TEX9: variants seen among roughly 807,000 people sequenced by gnomAD.
TEX9 encodes testis-expressed protein 9.
Under a neutral mutation model 59.6 loss-of-function variants are expected in TEX9, and 74 were observed. The observed-to-expected ratio is 1.24, with a 90% confidence interval of 1.03 to 1.51. TEX9 has a LOEUF of 1.51. Among genes scored for constraint, TEX9 ranks in the 40% most tolerant of loss-of-function variants. The pLI is 0.00. For missense variants in TEX9, 522 were observed against 447.8 expected (o/e 1.17, Z -1.49); for synonymous variants, 186 against 152.2 (o/e 1.22, Z -1.64).
intron 9 of TEX9, among the ~76,000 whole-genome samples, chr15:56,406,423 A>G (rs763309686): frequency 1.3e-5 from 2 of 152,186 alleles, no homozygotes; most frequent in South Asian, 2.1e-4. Flanking sequence ...TCCATGTACA[A>G]GTATTCTGTG....
chr15:56,295,787 T>G lies in TEX9; in HGVS notation c.-107+51509T>G, dbSNP rs1335322667. Among the ~76,000 whole-genome samples the G allele has an allele frequency of 2.6e-5, 4 of 152,178 alleles. No individual in the cohort carries two copies. The East Asian group carries it at 5.8e-4, about 22-fold the overall frequency. Reference sequence around the variant, plus strand: ...TTATCCCAGGCCATTTGACCGGATTTTTCCCTTAGTTAACTGTTCAGAATT... The same window carrying G: ...TTATCCCAGGCCATTTGACCGGATTGTTCCCTTAGTTAACTGTTCAGAATT... On this transcript the variant is annotated intron_variant, in intron 1 of 5. Coordinates refer to the TEX9 transcript ENST00000560827.
rs538827464 is a variant in TEX9 at position 56,259,305 on chromosome 15, T to G, written c.-107+15027T>G. On this transcript the variant is annotated intron_variant, in intron 1 of 5. Transcript: ENST00000560827. ...AGTTAAGTAGTTGCAACAAAGACTG[T>G]ATGACCTACAAAGCTGAAAATATTT... Among the ~76,000 whole-genome samples the G allele has an allele frequency of 2.6e-5, 4 of 152,216 alleles. No homozygotes were observed. In the South Asian group the frequency reaches 8.3e-4, roughly 32 times the overall value.
In TEX9 at chr15:56,291,743, T is replaced by A. The variant is rs534438410; in HGVS notation, c.-107+47465T>A. ...CTACCTTTGAAAGAGCAAAGATTCA[T>A]TCTGACTATGATTTTCTTGGGTATG... On this transcript the variant is annotated intron_variant, in intron 1 of 5. Transcript: ENST00000560827. Among the ~76,000 whole-genome samples the A allele has an allele frequency of 1.4e-4, 21 of 152,322 alleles. No homozygotes were observed. In the East Asian group the frequency reaches 4.1e-3, roughly 29 times the overall value.
intron 1 of TEX9, among the ~76,000 whole-genome samples, chr15:56,312,359 A>G (rs369910837): frequency 9.0e-5 from 13 of 143,708 alleles, no homozygotes; most frequent in Non-Finnish European, 1.8e-4. Flanking sequence ...AGCTTTCTAC[A>G]TATGGCTAGC....
rs193206844 is a variant in TEX9, at chr15:56,257,928, A to G, written c.-107+13650A>G. On this transcript the variant is annotated intron_variant, in intron 1 of 5. Coordinates refer to the TEX9 transcript ENST00000560827. ...TAGGGTTTTTATAGTTTTAGGTTTTACATTGAAGTCTTTAATCCATCTTGA... is the reference window on the plus strand; with the variant it reads ...TAGGGTTTTTATAGTTTTAGGTTTTGCATTGAAGTCTTTAATCCATCTTGA... 2.0e-5 allele frequency among the ~76,000 whole-genome samples: 3 copies of G among 152,198 alleles called. No homozygotes were observed. In the East Asian group the frequency reaches 5.8e-4, roughly 29 times the overall value.
At chr15:56,247,328 A>G (rs779090462) in intron 1 of TEX9, among the ~76,000 whole-genome samples, 16 of 152,216 alleles carry the variant, frequency 1.1e-4, no homozygotes, top group Non-Finnish European at 2.4e-4. Flanking sequence ...CATATATAAG[A>G]TGATGAGTTA....
intron 1 of TEX9, among the ~76,000 whole-genome samples, chr15:56,259,976 T>C (rs1407629191): frequency 6.6e-6 from 1 of 152,108 alleles, no homozygotes; most frequent in African/African-American, 2.4e-5. Flanking sequence ...TTTTATAAAA[T>C]TTATTCCCAG....
At chr15:56,431,745 GTCT>G (rs1251296384) in intron 12 of TEX9, among the ~76,000 whole-genome samples, 3 of 151,956 alleles carry the variant, frequency 2.0e-5, no homozygotes, top group African/African-American at 7.2e-5. Flanking sequence ...TCAGGAAAGT[GTCT>G]TCATTACCAA....
At chr15:56,448,908 C>T (rs2050927962), downstream of TEX9, among the ~76,000 whole-genome samples, 1 of 151,934 alleles carries the variant, frequency 6.6e-6, no homozygotes. Context: ...TGTGTGCCAC[C>T]ATGCCCGGTT....
At chr15:56,383,848 T>C (rs867367744) in intron 3 of TEX9, 104 bp from the exon 4 acceptor site, 1 of 798,364 alleles carries the variant, frequency 1.3e-6, no homozygotes, top group Middle Eastern at 3.1e-4. Flanking sequence ...TATGGAAACC[T>C]TGGACAATTC....
At chr15:56,400,957 G>A (rs1442153684) in intron 9 of TEX9, among the ~76,000 whole-genome samples, 4 of 152,052 alleles carry the variant, frequency 2.6e-5, no homozygotes, top group Non-Finnish European at 4.4e-5. Context: ...CACCAGGCCT[G>A]CCTTACAAGA....
At chr15:56,394,127 C>G in intron 7 of TEX9, 38 bp from the exon 8 acceptor site, 3 of 1,555,692 alleles carry the variant, frequency 1.9e-6, no homozygotes, top group Non-Finnish European at 1.8e-6. Context: ...ATCTTAGATT[C>G]AGCAAAAGAC....
chr15:56,300,706 A>AGG (rs777284409), intron 1 of TEX9, among the ~76,000 whole-genome samples: 4,653 of 109,148 alleles, frequency 0.043, 124 homozygotes, highest in Non-Finnish European at 0.064. Flanking sequence ...AGAGAGAGAG[A>AGG]GGGAGAGAGA....
intron 12 of TEX9, among the ~76,000 whole-genome samples, chr15:56,435,284 G>A (rs1348320145): frequency 6.6e-6 from 1 of 151,694 alleles, no homozygotes. Flanking sequence ...GAACTGTAAA[G>A]TAAACCCAAA....
chr15:56,365,417 C>G (rs1182490425), upstream of TEX9: 1 of 1,603,130 alleles, frequency 6.2e-7, no homozygotes, highest in Non-Finnish European at 8.5e-7. Context: ...GAAGATGCGT[C>G]GTTGCCTCGG....
chr15:56,308,985 C>G (rs1447350187), intron 1 of TEX9, among the ~76,000 whole-genome samples: 2 of 152,116 alleles, frequency 1.3e-5, no homozygotes, highest in South Asian at 2.1e-4. Context: ...AACTGTGAGT[C>G]CTTCAACTTT....
intron 1 of TEX9, among the ~76,000 whole-genome samples, chr15:56,325,449 C>T (rs1022827596): frequency 9.2e-5 from 14 of 152,082 alleles, no homozygotes; most frequent in Non-Finnish European, 1.9e-4. Flanking sequence ...TAGCAAAACA[C>T]TTCCTTTTCT....
At position 56,427,757 on chromosome 15, in the gene TEX9, G is replaced by A. The variant is rs760024707; in HGVS notation, c.1098+18G>A. On this transcript the variant is annotated intron_variant, in intron 11 of 12. Coordinates refer to ENST00000352903, the Ensembl canonical transcript of TEX9. ...GGCAAAAGGTGAGTCTATCATTAAA[G>A]TTAAATCATCATATTATTTGTAACT... 2 of 1,424,590 alleles carry A rather than the reference G, an allele frequency of 1.4e-6. No individual in the cohort carries two copies. The highest frequency in any genetic ancestry group is 3.0e-5 in the African/African-American group (2 of 66,880). The allele number at this position is 1,424,590 out of a possible 1,614,324, so 88.2% of individuals were successfully genotyped here.
At position 56,415,879 on chromosome 15, in the gene TEX9, T is replaced by C. The variant is rs534138861; in HGVS notation, c.963+3443T>C. ...CCTATCAGTGAGCATGGGATGTTTT[T>C]TCCCGTTGTGTTTTCTCTGATTTCT... is the stretch of plus-strand genomic sequence containing the variant. On this transcript the variant is annotated intron_variant, in intron 10 of 12. Transcript: ENST00000352903. 5.3e-5 allele frequency among the ~76,000 whole-genome samples: 8 copies of C among 151,934 alleles called. 1 individual carries two copies. The South Asian group carries it at 1.7e-3, about 31-fold the overall frequency.
Sources: gnomAD v4.1 joint callset for allele counts (sites outside exome capture counted in the v4.1 genomes callset) on GRCh38, gnomAD v4.1.1 for gene constraint, MANE v1.5 for transcripts, NCBI Gene and HGNC (gene_info 2026-07-23, HGNC 2026-07-21) for gene names.